CDADC1: variants seen among roughly 807,000 people sequenced by gnomAD.
The protein encoded by CDADC1 is dCTP deaminase.
In CDADC1, 39 loss-of-function variants were observed where a neutral mutation model predicts 54.9. The observed-to-expected ratio is 0.71, with a 90% CI of 0.55 to 0.93. CDADC1 has a LOEUF of 0.93. Ranked by LOEUF, CDADC1 falls within the 40% of genes least tolerant of loss-of-function variation. The pLI, the probability that CDADC1 is intolerant of heterozygous loss-of-function variation, is 0.00. For synonymous variants in CDADC1, 186 were observed against 204.0 expected, an observed-to-expected ratio of 0.91 and a Z score of 0.75; for missense variants, 518 against 618.8, an observed-to-expected ratio of 0.84 and a Z score of 1.73.
intron 9 of CDADC1, among the ~76,000 whole-genome samples, chr13:49,287,604 G>A (rs557742377): frequency 1.3e-5 from 2 of 152,116 alleles, no homozygotes; most frequent in African/African-American, 2.4e-5. Context: ...CTATGTTAGG[G>A]AAAGGATACA....
At chr13:49,282,428 G>A (rs1566375988) in intron 8 of CDADC1, among the ~76,000 whole-genome samples, 1 of 151,716 alleles carries the variant, frequency 6.6e-6, no homozygotes, top group Non-Finnish European at 1.5e-5. Flanking sequence ...TTTTCAAAAA[G>A]CTTTTTATTT....
intron 5 of CDADC1, among the ~76,000 whole-genome samples, chr13:49,271,566 G>A (rs575434837): frequency 6.6e-6 from 1 of 151,734 alleles, no homozygotes; most frequent in Non-Finnish European, 1.5e-5. Context: ...TCTCAGAGAG[G>A]TTGATTTAGG....
At chr13:49,248,466 G>A (rs940026080) in intron 1 of CDADC1, 2 of 337,904 alleles carry the variant, frequency 5.9e-6, no homozygotes, top group Admixed American at 4.4e-5. Flanking sequence ...CTTTACCGTC[G>A]AAGGTCAGCG....
In CDADC1 at chr13:49,247,936, G is replaced by T; in HGVS notation, c.-102G>T. On this transcript the variant is annotated 5_prime_UTR_variant, in exon 1 of 10. Transcript: ENST00000251108. ...ATCTGGCTGCGCCTAGTGGGCCGTT[G>T]CCTTACAGTTGCTGAGAGGAGGCGA... is the stretch of plus-strand genomic sequence containing the variant. 9.7e-7 allele frequency: 1 copy of T among 1,032,954 alleles called. No individual in the cohort carries two copies. Among genetic ancestry groups the T allele is most frequent in the Non-Finnish European group, 1.5e-6 (1 of 679,402 alleles). The allele number at this position is 1,032,954 out of a possible 1,614,324, so 64.0% of individuals were successfully genotyped here.
intron 2 of CDADC1, among the ~76,000 whole-genome samples, chr13:49,249,386 T>C (rs1043092835): frequency 6.6e-6 from 1 of 152,186 alleles, no homozygotes; most frequent in Non-Finnish European, 1.5e-5. Context: ...TGCTAATTGA[T>C]TAATGTTGGA....
At chr13:49,257,492 C>T (rs902711345) in intron 3 of CDADC1, among the ~76,000 whole-genome samples, 15 of 152,110 alleles carry the variant, frequency 9.9e-5, no homozygotes, top group East Asian at 1.9e-4. Context: ...ACGTATTGGC[C>T]GGGCACGGTG....
In CDADC1 at chr13:49,264,574, AG is replaced by A. The variant is rs1373943102; in HGVS notation, c.431-2915del. On this transcript the variant is annotated intron_variant, in intron 4 of 9. Coordinates refer to ENST00000251108, the MANE Select transcript of CDADC1 (RefSeq NM_030911.4). ...CTCTACCAAAAAAAAAAAAAAAAAA[AG>A]AGCTGGGTGTGGTGGTGCACACCTG... Among the ~76,000 whole-genome samples, 531 of 150,158 alleles carry A rather than the reference AG, an allele frequency of 3.5e-3. 2 individuals are homozygous for A. The highest frequency in any genetic ancestry group is 0.012 in the African/African-American group (491 of 40,752).
At chr13:49,266,432 G>T (rs1335343388) in intron 4 of CDADC1, among the ~76,000 whole-genome samples, 1 of 151,988 alleles carries the variant, frequency 6.6e-6, no homozygotes, top group Non-Finnish European at 1.5e-5. Context: ...CTAATGAATT[G>T]AAATATTTTC....
chr13:49,269,100 G>T (rs1952899467), intron 5 of CDADC1, among the ~76,000 whole-genome samples: 1 of 152,184 alleles, frequency 6.6e-6, no homozygotes, highest in East Asian at 1.9e-4. Flanking sequence ...ATTTGTTTGG[G>T]GAGTGTACTG....
At chr13:49,271,501 T>C (rs768780213) in intron 5 of CDADC1, among the ~76,000 whole-genome samples, 1 of 152,072 alleles carries the variant, frequency 6.6e-6, no homozygotes, top group Non-Finnish European at 1.5e-5. Flanking sequence ...TGAGTATGCC[T>C]GAGAATCAAG....
At chr13:49,268,844 C>G (rs1437506469) in intron 5 of CDADC1, among the ~76,000 whole-genome samples, 1 of 152,076 alleles carries the variant, frequency 6.6e-6, no homozygotes, top group Non-Finnish European at 1.5e-5. Flanking sequence ...GCTGGTATGT[C>G]TTCAATCAGC....
At chr13:49,259,276 T>A in intron 3 of CDADC1, 70 bp from the exon 4 acceptor site, 1 of 1,044,850 alleles carries the variant, frequency 9.6e-7, no homozygotes, top group Non-Finnish European at 1.4e-6. Context: ...TATTAATAAT[T>A]CAAGTATAAT....
In CDADC1 at chr13:49,247,932, C is replaced by T. The variant is rs757865659; in HGVS notation, c.-106C>T. ...CGTCATCTGGCTGCGCCTAGTGGGC[C>T]GTTGCCTTACAGTTGCTGAGAGGAG... On this transcript the variant is annotated 5_prime_UTR_variant, in exon 1 of 10. Transcript: ENST00000251108. 5 of 968,174 alleles carry T rather than the reference C, an allele frequency of 5.2e-6. No homozygotes were observed. Among genetic ancestry groups the T allele is most frequent in the South Asian group, 1.4e-5 (1 of 70,466 alleles). 60.0% of individuals were successfully genotyped at this position (968,174 alleles called of 1,614,324 possible). A position where few individuals can be genotyped will look rare whatever the true frequency, so the allele number is the denominator to read the frequency against.
At chr13:49,277,378 G>T (rs539213668) in intron 6 of CDADC1, among the ~76,000 whole-genome samples, 1 of 152,220 alleles carries the variant, frequency 6.6e-6, no homozygotes, top group Non-Finnish European at 1.5e-5. Context: ...GGCTGAGATG[G>T]GAGGATGACT....
chr13:49,276,424 T>C (rs1953135490), intron 6 of CDADC1, among the ~76,000 whole-genome samples: 1 of 152,184 alleles, frequency 6.6e-6, no homozygotes, highest in African/African-American at 2.4e-5. Context: ...AGATATTTAG[T>C]AACTATATAG....
At chr13:49,291,641 T>G (rs1214201612) in intron 9 of CDADC1, 43 bp from the exon 10 acceptor site, 1 of 1,592,686 alleles carries the variant, frequency 6.3e-7, no homozygotes. Context: ...GCCCATGGGT[T>G]TGAAATGAAG....
At chr13:49,250,928 A>G (rs771829982) in intron 2 of CDADC1, among the ~76,000 whole-genome samples, 1 of 151,988 alleles carries the variant, frequency 6.6e-6, no homozygotes, top group African/African-American at 2.4e-5. Context: ...AAAGCTCTTC[A>G]TTTCCTTCAT....
chr13:49,281,906 C>T (rs1201638222), intron 8 of CDADC1, among the ~76,000 whole-genome samples: 1 of 151,402 alleles, frequency 6.6e-6, no homozygotes, highest in Non-Finnish European at 1.5e-5. Flanking sequence ...GATTCTCCTG[C>T]CTTGCTACCC....
At chr13:49,253,006 G>C (rs914796169) in intron 2 of CDADC1, among the ~76,000 whole-genome samples, 2 of 152,028 alleles carry the variant, frequency 1.3e-5, no homozygotes, top group Admixed American at 6.6e-5. Context: ...GGTATTCTTA[G>C]AGTTGAGTAC....
Sources: allele counts gnomAD v4.1 joint callset (sites outside exome capture counted in the v4.1 genomes callset), GRCh38; gene constraint gnomAD v4.1.1; transcripts MANE v1.5; gene names NCBI Gene and HGNC (gene_info 2026-07-23, HGNC 2026-07-21).